Variants in PPM1L observed in about 807,000 individuals in gnomAD.
PPM1L encodes protein phosphatase 1L.
A neutral mutation model predicts 31.4 loss-of-function variants in PPM1L; 13 were observed. That is an observed-to-expected ratio of 0.41 (90% CI 0.27 to 0.66). The LOEUF is 0.66. Ranked by LOEUF, PPM1L falls within the 30% of genes least tolerant of loss-of-function variation. PPM1L has a pLI of 0.29. For synonymous variants in PPM1L, 184 were observed against 175.4 expected (o/e 1.05, Z -0.39); for missense variants, 326 against 453.7 (o/e 0.72, Z 2.56).
intron 1 of PPM1L, among the ~76,000 whole-genome samples, chr3:160,863,563 T>G (rs1711978279): frequency 6.6e-6 from 1 of 152,210 alleles, no homozygotes; most frequent in Non-Finnish European, 1.5e-5. Flanking sequence ...AGGTCTTAGG[T>G]TTGATGTAAG....
chr3:161,003,188 A>G (rs1320468064), intron 2 of PPM1L, among the ~76,000 whole-genome samples: 1 of 146,828 alleles, frequency 6.8e-6, no homozygotes, highest in Admixed American at 6.8e-5. Context: ...GTTCTGTTCC[A>G]TTGATCTATA....
chr3:161,013,866 A>G (rs1488308719), intron 2 of PPM1L, among the ~76,000 whole-genome samples: 2 of 151,168 alleles, frequency 1.3e-5, no homozygotes, highest in Non-Finnish European at 2.9e-5. Flanking sequence ...TTTGTTTTCC[A>G]TTTGCTTGGT....
At chr3:161,057,664 A>G (rs1334530007) in intron 2 of PPM1L, among the ~76,000 whole-genome samples, 1 of 152,074 alleles carries the variant, frequency 6.6e-6, no homozygotes, top group Admixed American at 6.6e-5. Context: ...ACTTCCCTTG[A>G]AAAATCGGAG....
At chr3:160,933,611 A>G (rs1471940636) in intron 1 of PPM1L, among the ~76,000 whole-genome samples, 1 of 152,064 alleles carries the variant, frequency 6.6e-6, no homozygotes, top group African/African-American at 2.4e-5. Flanking sequence ...TTGGTGGGTA[A>G]TAAGCCACAG....
At position 160,866,124 on chromosome 3, in the gene PPM1L, A is replaced by T. The variant is rs75674592; in HGVS notation, c.400-95612A>T. Among the ~76,000 whole-genome samples, 902 of 152,296 alleles carry T rather than the reference A, an allele frequency of 5.9e-3. 10 individuals carry two copies. The highest frequency in any genetic ancestry group is 0.021 in the African/African-American group (867 of 41,566). On this transcript the variant is annotated intron_variant, in intron 1 of 3. Coordinates refer to ENST00000498165, the MANE Select transcript of PPM1L (RefSeq NM_139245.4). Reference sequence around the variant, plus strand: ...GTTTGTTTTTCTCCCCCTGTTAGACATAGGGAGTTTTTCTCCTGTCAGTGC... The same window carrying T: ...GTTTGTTTTTCTCCCCCTGTTAGACTTAGGGAGTTTTTCTCCTGTCAGTGC...
intron 1 of PPM1L, among the ~76,000 whole-genome samples, chr3:160,770,367 G>T (rs939499189): frequency 3.3e-5 from 5 of 152,152 alleles, no homozygotes; most frequent in African/African-American, 1.2e-4. Flanking sequence ...TAAAGGGAAT[G>T]TAAAAATGCC....
intron 2 of PPM1L, among the ~76,000 whole-genome samples, chr3:161,058,800 A>G (rs1264273522): frequency 1.3e-5 from 2 of 152,156 alleles, no homozygotes; most frequent in African/African-American, 2.4e-5. Flanking sequence ...TATGAATTTA[A>G]CTGAGAAAGT....
chr3:160,944,879 C>G (rs1452831371), intron 1 of PPM1L, among the ~76,000 whole-genome samples: 9 of 17,580 alleles, frequency 5.1e-4, no homozygotes, highest in African/African-American at 1.4e-3. Context: ...TTATATATAA[C>G]ATATATATTA....
At chr3:161,000,841 A>G (rs1402588947) in intron 2 of PPM1L, among the ~76,000 whole-genome samples, 1 of 152,220 alleles carries the variant, frequency 6.6e-6, no homozygotes, top group Non-Finnish European at 1.5e-5. Context: ...TGGATTTTCT[A>G]TAAATACTTT....
chr3:160,794,646 C>T (rs1712193994), intron 1 of PPM1L, among the ~76,000 whole-genome samples: 1 of 152,110 alleles, frequency 6.6e-6, no homozygotes. Context: ...CCAAACAACG[C>T]CCTCTGAGAG....
At chr3:161,005,301 T>G (rs1011952536) in intron 2 of PPM1L, among the ~76,000 whole-genome samples, 1 of 152,222 alleles carries the variant, frequency 6.6e-6, no homozygotes, top group African/African-American at 2.4e-5. Flanking sequence ...GAAATATTTC[T>G]TGAGTTTTCA....
At chr3:161,065,765 A>G (rs1333587489) in intron 3 of PPM1L, among the ~76,000 whole-genome samples, 1 of 152,188 alleles carries the variant, frequency 6.6e-6, no homozygotes, top group Non-Finnish European at 1.5e-5. Flanking sequence ...AAGATTCCAA[A>G]AGAACTAAAA....
At chr3:161,066,180 C>G (rs1040221543) in intron 3 of PPM1L, among the ~76,000 whole-genome samples, 1 of 152,170 alleles carries the variant, frequency 6.6e-6, no homozygotes, top group Non-Finnish European at 1.5e-5. Context: ...ATCTCTATGC[C>G]TTGAGCATTT....
intron 1 of PPM1L, among the ~76,000 whole-genome samples, chr3:160,942,916 T>A (rs1171017489): frequency 3.3e-5 from 5 of 152,216 alleles, no homozygotes. Context: ...AATATTCACA[T>A]TTCTGTACTG....
intron 1 of PPM1L, among the ~76,000 whole-genome samples, chr3:160,862,793 T>C (rs908202108): frequency 2.0e-5 from 3 of 150,814 alleles, no homozygotes; most frequent in African/African-American, 7.3e-5. Context: ...TTTAGGAGAG[T>C]AGGGGGGAAA....
chr3:160,964,313 CATATTTT>C (rs1716064580), intron 2 of PPM1L, among the ~76,000 whole-genome samples: 2 of 122,922 alleles, frequency 1.6e-5, no homozygotes, highest in African/African-American at 2.5e-5. Flanking sequence ...TCAATCAACA[CATATTTT>C]GTATGTTATG....
At chr3:160,862,799 G>T (rs542546238) in intron 1 of PPM1L, among the ~76,000 whole-genome samples, 2 of 151,520 alleles carry the variant, frequency 1.3e-5, no homozygotes, top group Non-Finnish European at 2.9e-5. Flanking sequence ...AGAGTAGGGG[G>T]GAAAAAAGCT....
At chr3:160,963,988 C>T (rs946105313) in intron 2 of PPM1L, among the ~76,000 whole-genome samples, 1 of 152,010 alleles carries the variant, frequency 6.6e-6, no homozygotes, top group African/African-American at 2.4e-5. Flanking sequence ...CCTCTTAGAA[C>T]CTATGTTTCT....
intron 1 of PPM1L, among the ~76,000 whole-genome samples, chr3:160,903,208 T>TATGTGTGTGTGTGTG (rs1553819694): frequency 1.7e-5 from 2 of 120,038 alleles, no homozygotes; most frequent in Non-Finnish European, 1.7e-5. Flanking sequence ...GTGTGTATGT[T>TATGTGTGTGTGTGTG]TGTGTGTGTG....
Sources: gnomAD v4.1 joint callset for allele counts (sites outside exome capture counted in the v4.1 genomes callset) on GRCh38, gnomAD v4.1.1 for gene constraint, MANE v1.5 for transcripts, NCBI Gene and HGNC (gene_info 2026-07-23, HGNC 2026-07-21) for gene names.